RALA: variants seen among roughly 807,000 people sequenced by gnomAD.
RALA encodes the protein RAS like proto-oncogene A.
Under a neutral mutation model 24.0 loss-of-function variants are expected in RALA, and 5 were observed. The observed-to-expected ratio is 0.21, with a 90% CI of 0.11 to 0.44. The LOEUF (loss-of-function observed/expected upper bound fraction) is 0.44. Among genes scored for constraint, RALA ranks in the 20% least tolerant of loss-of-function variants. RALA has a pLI of 0.99. For missense variants in RALA, 95 were observed against 241.2 expected, an observed-to-expected ratio of 0.39 and a Z score of 4.01; for synonymous variants, 77 against 83.8, an observed-to-expected ratio of 0.92 and a Z score of 0.44.
At chr7:39,648,417 T>C (rs895971615) in intron 1 of RALA, among the ~76,000 whole-genome samples, 2 of 146,122 alleles carry the variant, frequency 1.4e-5, no homozygotes, top group African/African-American at 5.1e-5. Context: ...CTTAATAGCT[T>C]TTTTTTTTTT....
chr7:39,682,080 C>T (rs1792613729), intron 1 of RALA, among the ~76,000 whole-genome samples: 1 of 152,192 alleles, frequency 6.6e-6, no homozygotes, highest in South Asian at 2.1e-4. Flanking sequence ...AATTCTGGCT[C>T]GGTCTTGAGC....
chr7:39,693,329 GAC>G (rs1464533286), intron 3 of RALA, among the ~76,000 whole-genome samples: 1 of 152,038 alleles, frequency 6.6e-6, no homozygotes, highest in African/African-American at 2.4e-5. Flanking sequence ...CAGAAAACCA[GAC>G]ACTGCATATT....
intron 4 of RALA, chr7:39,700,222 T>C (rs1235581808): frequency 3.9e-5 from 6 of 152,270 alleles, no homozygotes; most frequent in African/African-American, 7.2e-5. Flanking sequence ...AGTCATTTAT[T>C]CTGCTTATAC....
intron 1 of RALA, among the ~76,000 whole-genome samples, chr7:39,636,749 A>G (rs1307766649): frequency 1.3e-5 from 2 of 152,226 alleles, no homozygotes; most frequent in East Asian, 1.9e-4. Context: ...TGCAAACTTA[A>G]CAAGAATCAT....
Position 39,690,498 on chromosome 7 carries a change from A to G in RALA, c.231A>G (p.Ala77=), listed in dbSNP as rs1792796110. 1.2e-6 allele frequency: 2 copies of G among 1,614,032 alleles called. No homozygotes were observed. Among genetic ancestry groups the G allele is most frequent in the Non-Finnish European group, 1.7e-6 (2 of 1,179,908 alleles). The part of the protein sequence containing the change: ...LDTAGQEDYA[A]IRDNYFRSGE... ...CAGCTGGGCAGGAGGACTACGCTGC[A>G]ATTAGAGACAACTACTTCCGAAGTG... Residue 77 remains alanine, a synonymous_variant, in exon 3 of 5, where the codon GCA becomes GCG. Transcript: ENST00000005257.
intron 1 of RALA, among the ~76,000 whole-genome samples, chr7:39,637,059 T>C (rs1392226998): frequency 6.6e-6 from 1 of 152,188 alleles, no homozygotes; most frequent in Non-Finnish European, 1.5e-5. Context: ...AAACATTAAA[T>C]TGTTAAAAGC....
chr7:39,665,601 T>C (rs1485402866), intron 1 of RALA, among the ~76,000 whole-genome samples: 1 of 152,032 alleles, frequency 6.6e-6, no homozygotes, highest in Non-Finnish European at 1.5e-5. Context: ...ATTTCAGGTG[T>C]TGGTATTTTA....
rs1792791764 is a variant in RALA, at chr7:39,690,252, G to A, written c.115-130G>A. On this transcript the variant is annotated intron_variant, in intron 2 of 4. Coordinates refer to ENST00000005257, the MANE Select transcript of RALA (RefSeq NM_005402.4). Reference sequence around the variant, plus strand: ...AATTAGTGTAGTTTTTACCATTGGAGGAATCTGGGCAAAGGGTATACAGAA... The same window carrying A: ...AATTAGTGTAGTTTTTACCATTGGAAGAATCTGGGCAAAGGGTATACAGAA... The A allele has an allele frequency of 1.5e-5, 10 of 685,412 alleles. No homozygotes were observed. The Admixed American group carries it at 2.6e-4, about 18-fold the overall frequency. 42.5% of individuals were successfully genotyped at this position (685,412 alleles called of 1,614,324 possible).
At chr7:39,673,696 C>A (rs376794915) in intron 1 of RALA, among the ~76,000 whole-genome samples, 2 of 152,082 alleles carry the variant, frequency 1.3e-5, no homozygotes, top group East Asian at 3.8e-4. Flanking sequence ...TAATAATGAT[C>A]ATTTGCCTCT....
At chr7:39,654,649 C>G (rs1158819891) in intron 1 of RALA, among the ~76,000 whole-genome samples, 1 of 152,148 alleles carries the variant, frequency 6.6e-6, no homozygotes, top group African/African-American at 2.4e-5. Flanking sequence ...TCTATGCTTT[C>G]TTCTAGAACT....
chr7:39,631,727 G>A (rs1326786276), intron 1 of RALA, among the ~76,000 whole-genome samples: 1 of 152,038 alleles, frequency 6.6e-6, no homozygotes, highest in Admixed American at 6.5e-5. Flanking sequence ...TATTTTAACT[G>A]GTTATTGTCC....
At chr7:39,657,607 G>A (rs1248172133) in intron 1 of RALA, among the ~76,000 whole-genome samples, 1 of 152,006 alleles carries the variant, frequency 6.6e-6, no homozygotes, top group African/African-American at 2.4e-5. Flanking sequence ...TATATTAATT[G>A]AGGCCTGTAA....
At chr7:39,689,801 T>C (rs1270107252) in intron 2 of RALA, among the ~76,000 whole-genome samples, 1 of 152,210 alleles carries the variant, frequency 6.6e-6, no homozygotes, top group Non-Finnish European at 1.5e-5. Context: ...TATCAAGGTA[T>C]ATTAAAGTGA....
At chr7:39,636,554 G>A (rs1791688525) in intron 1 of RALA, among the ~76,000 whole-genome samples, 1 of 152,130 alleles carries the variant, frequency 6.6e-6, no homozygotes, top group African/African-American at 2.4e-5. Flanking sequence ...TTTCTTCGTT[G>A]TAAAAACTAT....
intron 1 of RALA, among the ~76,000 whole-genome samples, chr7:39,642,376 T>C (rs1438470726): frequency 3.3e-5 from 5 of 152,176 alleles, no homozygotes; most frequent in African/African-American, 1.2e-4. Flanking sequence ...CAGATTCCTC[T>C]GGTGCTGTCT....
chr7:39,659,773 A>C (rs2115991762), intron 1 of RALA, among the ~76,000 whole-genome samples: 1 of 152,320 alleles, frequency 6.6e-6, no homozygotes, highest in South Asian at 2.1e-4. Context: ...AAGCCCAGAA[A>C]AGAGTTCTGA....
At chr7:39,662,768 A>G (rs566634835) in intron 1 of RALA, among the ~76,000 whole-genome samples, 9 of 152,230 alleles carry the variant, frequency 5.9e-5, no homozygotes, top group East Asian at 1.9e-4. Context: ...GACTGTTCCA[A>G]TCTCTGCCCA....
chr7:39,629,656 C>T (rs1472792083), intron 1 of RALA, among the ~76,000 whole-genome samples: 3 of 152,110 alleles, frequency 2.0e-5, no homozygotes, highest in Non-Finnish European at 4.4e-5. Flanking sequence ...AGTACAGTGG[C>T]GCCATCTCAG....
rs1478255799 is a variant in RALA, at chr7:39,707,452, T to G, written c.*1207T>G. 1 of 152,208 alleles carries G rather than the reference T, an allele frequency of 6.6e-6. No homozygotes were observed. The highest frequency in any genetic ancestry group is 1.5e-5 in the Non-Finnish European group (1 of 68,034). 9.4% of individuals were successfully genotyped at this position (152,208 alleles called of 1,614,324 possible). A position where few individuals can be genotyped will look rare whatever the true frequency, so the allele number is the denominator to read the frequency against. On this transcript the variant is annotated 3_prime_UTR_variant, in exon 5 of 5. Transcript: ENST00000005257. ...GTAGCTACATTTTCAGAAGTTAACATCAAGCCATCAAACCTGGGTATAGTG... is the reference window on the plus strand; with the variant it reads ...GTAGCTACATTTTCAGAAGTTAACAGCAAGCCATCAAACCTGGGTATAGTG...
Sources: allele counts gnomAD v4.1 joint callset (sites outside exome capture counted in the v4.1 genomes callset), GRCh38; gene constraint gnomAD v4.1.1; transcripts MANE v1.5; gene names NCBI Gene and HGNC (gene_info 2026-07-23, HGNC 2026-07-21).